Variants in HS2ST1 observed in about 807,000 individuals in gnomAD.
HS2ST1 encodes the protein 2-O-sulfotransferase.
Under a neutral mutation model 42.9 loss-of-function variants are expected in HS2ST1, and 18 were observed. The observed-to-expected ratio is 0.42, with a 90% CI of 0.29 to 0.62. The LOEUF is 0.62. Ranked by LOEUF, HS2ST1 falls within the 20% of genes least tolerant of loss-of-function variation. The pLI is 0.21. For synonymous variants in HS2ST1, 146 were observed against 152.9 expected, an observed-to-expected ratio of 0.95 and a Z score of 0.33; for missense variants, 334 against 433.8, an observed-to-expected ratio of 0.77 and a Z score of 2.04.
intron 1 of HS2ST1, among the ~76,000 whole-genome samples, chr1:86,996,180 T>C (rs1403600226): frequency 1.3e-5 from 2 of 152,030 alleles, no homozygotes; most frequent in African/African-American, 4.8e-5. Flanking sequence ...CAGTGGCTCA[T>C]GCCTGTAATC....
rs186779809 is a variant in HS2ST1, at chr1:86,960,221, C to T, written c.124+45061C>T. Among the ~76,000 whole-genome samples, 23 of 97,058 alleles carry T rather than the reference C, an allele frequency of 2.4e-4. No homozygotes were observed. The East Asian group carries it at 5.5e-3, about 23-fold the overall frequency. The allele number at this position is 97,058 out of a possible 152,430, so 63.7% of individuals were successfully genotyped here. ...TAACAGGATATCTCATTCCCCTCCACGCCACCAAAAAAAAAAAAAAAAAGA... is the reference window on the plus strand; with the variant it reads ...TAACAGGATATCTCATTCCCCTCCATGCCACCAAAAAAAAAAAAAAAAAGA... On this transcript the variant is annotated intron_variant, in intron 1 of 6. Transcript: ENST00000370550.
At position 87,104,712 on chromosome 1, in the gene HS2ST1, A is replaced by G. The variant is rs199728875; in HGVS notation, c.*16A>G. On this transcript the variant is annotated 3_prime_UTR_variant, in exon 7 of 7. Transcript: ENST00000370550. ...GTCGAACTGAGTATAAGGTGTGACT[A>G]TTGGATTCTTGAACTAAAATTTGAC... 8 of 1,504,558 alleles carry G rather than the reference A, an allele frequency of 5.3e-6. No homozygotes were observed. The highest frequency in any genetic ancestry group is 2.8e-5 in the African/African-American group (2 of 72,644). The allele number at this position is 1,504,558 out of a possible 1,614,324, so 93.2% of individuals were successfully genotyped here.
rs1650623017 is a variant in HS2ST1, at chr1:87,045,314, T to C, written c.125-27620T>C. Reference sequence around the variant, plus strand: ...GTAATCTGCTTGAAGCCAGCTGCAATTTCTCATTCCAAATTCTGACAACTT... The same window carrying C: ...GTAATCTGCTTGAAGCCAGCTGCAACTTCTCATTCCAAATTCTGACAACTT... On this transcript the variant is annotated intron_variant, in intron 1 of 6. Coordinates refer to ENST00000370550, the MANE Select transcript of HS2ST1 (RefSeq NM_012262.4). 5.0e-6 allele frequency: 6 copies of C among 1,193,636 alleles called. No homozygotes were observed. In the East Asian group the frequency reaches 1.4e-4, roughly 28 times the overall value. 73.9% of individuals were successfully genotyped at this position (1,193,636 alleles called of 1,614,324 possible). A position where few individuals can be genotyped will look rare whatever the true frequency, so the allele number is the denominator to read the frequency against.
At chr1:87,075,378 G>T (rs780570388) in intron 2 of HS2ST1, among the ~76,000 whole-genome samples, 39 of 151,906 alleles carry the variant, frequency 2.6e-4, no homozygotes, top group Non-Finnish European at 5.0e-4. Context: ...TGTTAGTCAG[G>T]CTGGTCACAA....
At chr1:87,097,964 A>G (rs183073303) in intron 5 of HS2ST1, 29 bp downstream of exon 5, 2 of 1,613,538 alleles carry the variant, frequency 1.2e-6, no homozygotes, top group Non-Finnish European at 1.7e-6. Flanking sequence ...GCTCAGATTG[A>G]TTATCATCCT....
intron 1 of HS2ST1, among the ~76,000 whole-genome samples, chr1:86,935,525 C>G (rs1387420227): frequency 7.4e-6 from 1 of 135,650 alleles, no homozygotes; most frequent in Non-Finnish European, 1.5e-5. Flanking sequence ...TGCAGTGGCA[C>G]AATCTCGGCT....
intron 1 of HS2ST1, among the ~76,000 whole-genome samples, chr1:87,021,608 G>A (rs1045603025): frequency 2.6e-5 from 4 of 152,042 alleles, no homozygotes; most frequent in Non-Finnish European, 4.4e-5. Flanking sequence ...TTGAGTTTCC[G>A]GGCTCAAGGG....
intron 1 of HS2ST1, among the ~76,000 whole-genome samples, chr1:87,001,723 C>T (rs188165011): frequency 6.6e-6 from 1 of 152,312 alleles, no homozygotes; most frequent in Admixed American, 6.5e-5. Flanking sequence ...AAGTGATTCT[C>T]CTCCCTCAGC....
chr1:86,934,429 G>C (rs1660602242), intron 1 of HS2ST1: 1 of 152,322 alleles, frequency 6.6e-6, no homozygotes, highest in South Asian at 2.1e-4. Context: ...CCCATCCCCT[G>C]AGCTTTTAAT....
At chr1:87,095,640 TATCA>T (rs529206199) in intron 4 of HS2ST1, among the ~76,000 whole-genome samples, 1 of 152,320 alleles carries the variant, frequency 6.6e-6, no homozygotes, top group East Asian at 1.9e-4. Flanking sequence ...TGAATAACTA[TATCA>T]ATCAAATCAG....
At chr1:86,978,233 C>CT (rs1490846466) in intron 1 of HS2ST1, among the ~76,000 whole-genome samples, 1 of 152,154 alleles carries the variant, frequency 6.6e-6, no homozygotes, top group Non-Finnish European at 1.5e-5. Flanking sequence ...ATCTATCTGT[C>CT]ATTAGGAGAT....
At chr1:87,101,417 C>T (rs1334197559) in intron 5 of HS2ST1, among the ~76,000 whole-genome samples, 4 of 151,878 alleles carry the variant, frequency 2.6e-5, no homozygotes, top group Admixed American at 1.3e-4. Flanking sequence ...CCGCCTGTCT[C>T]GGCCTCCCAA....
chr1:86,982,806 G>T (rs1014770965), intron 1 of HS2ST1, among the ~76,000 whole-genome samples: 1 of 152,048 alleles, frequency 6.6e-6, no homozygotes, highest in Non-Finnish European at 1.5e-5. Context: ...GAGCCACTGC[G>T]CCTGGCCGCC....
At chr1:86,924,530 G>C (rs1440841776) in intron 1 of HS2ST1, among the ~76,000 whole-genome samples, 2 of 152,160 alleles carry the variant, frequency 1.3e-5, no homozygotes, top group Non-Finnish European at 2.9e-5. Flanking sequence ...GGGTATCCAG[G>C]TGTTTCCATA....
At chr1:87,045,815 A>G (rs1650641280) in intron 1 of HS2ST1, 2 of 786,044 alleles carry the variant, frequency 2.5e-6, no homozygotes, top group East Asian at 5.3e-5. Flanking sequence ...GGTCATCCTT[A>G]TCCCATGTGA....
intron 1 of HS2ST1, among the ~76,000 whole-genome samples, chr1:87,053,075 A>G (rs1311255909): frequency 1.3e-5 from 2 of 152,232 alleles, no homozygotes; most frequent in Non-Finnish European, 2.9e-5. Context: ...CAGTAAAATA[A>G]TAGCAAGTTT....
Position 86,992,373 on chromosome 1 carries a change from T to G in HS2ST1, c.124+77213T>G, listed in dbSNP as rs927957708. ...TTAATTTTCTCTTTCTTTTTTTTTT[T>G]TGTGTGTGTGAGATGGAGTTTCGCT... On this transcript the variant is annotated intron_variant, in intron 1 of 6. Transcript: ENST00000370550. Among the ~76,000 whole-genome samples, 28 of 152,072 alleles carry G rather than the reference T, an allele frequency of 1.8e-4. 1 individual carries two copies. Among genetic ancestry groups the G allele is most frequent in the South Asian group, 1.0e-3 (5 of 4,818 alleles).
chr1:86,969,217 C>T (rs1439934976), intron 1 of HS2ST1, among the ~76,000 whole-genome samples: 1 of 152,140 alleles, frequency 6.6e-6, no homozygotes, highest in Non-Finnish European at 1.5e-5. Flanking sequence ...TAAAATTTTA[C>T]TTCTTAGTTC....
intron 3 of HS2ST1, among the ~76,000 whole-genome samples, chr1:87,088,565 T>C (rs112794073): frequency 1.6e-4 from 25 of 152,160 alleles, no homozygotes; most frequent in African/African-American, 5.1e-4. Context: ...TTAACTTCTC[T>C]TGGATAAAAA....
Sources: allele counts gnomAD v4.1 joint callset (sites outside exome capture counted in the v4.1 genomes callset), GRCh38; gene constraint gnomAD v4.1.1; transcripts MANE v1.5; gene names NCBI Gene and HGNC (gene_info 2026-07-23, HGNC 2026-07-21).